The following ABL2 variants were observed in gnomAD, a reference collection of about 807,000 sequenced individuals.
The protein encoded by ABL2 is ABL proto-oncogene 2, non-receptor tyrosine kinase.
ABL2 carries 49 observed loss-of-function variants against 107.7 expected under a neutral mutation model. The observed-to-expected ratio is 0.45, with a 90% CI of 0.36 to 0.58. The LOEUF (loss-of-function observed/expected upper bound fraction) is 0.58. ABL2 is among the 20% of genes least tolerant of loss of function. The pLI, the probability that ABL2 is intolerant of heterozygous loss-of-function variation, is 0.00. For synonymous variants in ABL2, 549 were observed against 548.6 expected (o/e 1.00, Z -0.01); for missense variants, 1,245 against 1,457.0 (o/e 0.85, Z 2.37).
intron 4 of ABL2, among the ~76,000 whole-genome samples, chr1:179,124,988 TC>T (rs1236511542): frequency 1.4e-3 from 207 of 152,304 alleles, no homozygotes; most frequent in African/African-American, 4.8e-3. Flanking sequence ...TAGGAGTCCT[TC>T]CCACTCCCCA....
At chr1:179,116,436 C>T (rs1303517399) in intron 8 of ABL2, among the ~76,000 whole-genome samples, 1 of 152,054 alleles carries the variant, frequency 6.6e-6, no homozygotes, top group African/African-American at 2.4e-5. Context: ...GGATCATTAG[C>T]ACTCCAATGC....
intron 1 of ABL2, among the ~76,000 whole-genome samples, chr1:179,158,884 G>A (rs1397939512): frequency 6.6e-6 from 1 of 152,140 alleles, no homozygotes; most frequent in Non-Finnish European, 1.5e-5. Context: ...ATGCCTTGTA[G>A]AACTTTCTAG....
At chr1:179,210,516 A>AAAAG (rs1662210167) in intron 1 of ABL2, among the ~76,000 whole-genome samples, 1 of 151,240 alleles carries the variant, frequency 6.6e-6, no homozygotes, top group African/African-American at 2.4e-5. Flanking sequence ...AAAAAAAAAA[A>AAAAG]AAGAAAAAAA....
In ABL2 at chr1:179,208,848, C is replaced by T. The variant is rs574330430; in HGVS notation, c.157+20393G>A. Among the ~76,000 whole-genome samples, 4 of 152,276 alleles carry T rather than the reference C, an allele frequency of 2.6e-5. No individual in the cohort carries two copies. The South Asian group carries it at 8.3e-4, about 32-fold the overall frequency. ...GAGTGTAATTTTTGGAGTTATATGCCTTGTTCTGAAAACTGTTTTCATCAT... is the reference window on the plus strand; with the variant it reads ...GAGTGTAATTTTTGGAGTTATATGCTTTGTTCTGAAAACTGTTTTCATCAT... On this transcript the variant is annotated intron_variant, in intron 1 of 11. Transcript: ENST00000502732.
chr1:179,168,942 G>A lies in ABL2; in HGVS notation c.158-35568C>T, dbSNP rs75602556. On this transcript the variant is annotated intron_variant, in intron 1 of 11. Transcript: ENST00000502732. The stretch of plus-strand genomic sequence containing the variant: ...TCCGATAAGCAACTCACAGTGCCTT[G>A]CAGTCAAGACTTGCATTTCTCCACA... 6.6e-3 allele frequency among the ~76,000 whole-genome samples: 1,008 copies of A among 152,272 alleles called. 10 individuals are homozygous for A. Among genetic ancestry groups the A allele is most frequent in the African/African-American group, 0.023 (945 of 41,550 alleles).
At chr1:179,118,131 C>T (rs374381253) in intron 7 of ABL2, among the ~76,000 whole-genome samples, 5 of 148,200 alleles carry the variant, frequency 3.4e-5, no homozygotes, top group East Asian at 4.0e-4. Context: ...CCAGCCTGGG[C>T]GATGGAGCCA....
rs1372851274 is a variant in ABL2 at position 179,110,302 on chromosome 1, G to C, written c.1805C>G (p.Ser602Cys). 28 of 1,614,020 alleles carry C rather than the reference G, an allele frequency of 1.7e-5. No individual in the cohort carries two copies. The highest frequency in any genetic ancestry group is 2.4e-5 in the Non-Finnish European group (28 of 1,180,022). ...IEGAQDATEN[S>C]ASSLAPGFIR... ...CATACCTGGTGCTAAACTGGAAGCA[G>C]AATTTTCTGTGGCATCTTGTGCCCC... Residue 602 changes from serine to cysteine, a missense_variant, in exon 11 of 12, where the codon TCT becomes TGT. Physicochemically the swap from Ser to Cys is moderately radical, Grantham distance 112 (BLOSUM62 -1). Around this residue, in one of 3 missense-constraint regions of ABL2, gnomAD observed 761 missense variants for 766.4 expected, o/e 0.99. Coordinates refer to ENST00000502732, the MANE Select transcript of ABL2 (RefSeq NM_007314.4).
In ABL2 at chr1:179,210,907, G is replaced by T. The variant is rs1213308585; in HGVS notation, c.157+18334C>A. ...AAAATATTTCATATACTGCCAGGAA[G>T]AAAGAATAAATATTTAAATATAAAT... On this transcript the variant is annotated intron_variant, in intron 1 of 11. Transcript: ENST00000502732. Among the ~76,000 whole-genome samples, 7 of 151,844 alleles carry T rather than the reference G, an allele frequency of 4.6e-5. No homozygotes were observed. The South Asian group carries it at 1.3e-3, about 27-fold the overall frequency.
At chr1:179,135,583 T>G (rs1266125018) in intron 1 of ABL2, among the ~76,000 whole-genome samples, 7 of 149,696 alleles carry the variant, frequency 4.7e-5, no homozygotes, top group Non-Finnish European at 1.0e-4. Flanking sequence ...GGCAGCCACC[T>G]CGTCCGGGAG....
At chr1:179,207,547 C>T (rs999854304) in intron 1 of ABL2, among the ~76,000 whole-genome samples, 7 of 152,048 alleles carry the variant, frequency 4.6e-5, no homozygotes, top group Non-Finnish European at 8.8e-5. Flanking sequence ...ACAATAACAG[C>T]TATAACTTTT....
At chr1:179,217,487 G>A (rs753543059) in intron 1 of ABL2, among the ~76,000 whole-genome samples, 3 of 152,014 alleles carry the variant, frequency 2.0e-5, no homozygotes, top group South Asian at 2.1e-4. Context: ...TTAGCCGAGT[G>A]TGATGGCATG....
chr1:179,190,533 C>G (rs1269588891), intron 1 of ABL2, among the ~76,000 whole-genome samples: 1 of 152,082 alleles, frequency 6.6e-6, no homozygotes, highest in African/African-American at 2.4e-5. Flanking sequence ...GATTAAATCA[C>G]TGGCCATTGT....
rs893123584 is a variant in ABL2 at position 179,100,560 on chromosome 1, C to G, written c.*7158G>C. On this transcript the variant is annotated 3_prime_UTR_variant, in exon 12 of 12. Coordinates refer to ENST00000502732, the MANE Select transcript of ABL2 (RefSeq NM_007314.4). ...TTTAAGCAAGTTCTGACTACACAAACTCCTTATGTTTCCTTTCATAAAGCC... is the reference window on the plus strand; with the variant it reads ...TTTAAGCAAGTTCTGACTACACAAAGTCCTTATGTTTCCTTTCATAAAGCC... The G allele has an allele frequency of 4.4e-6, 1 of 229,204 alleles. No homozygotes were observed. Among genetic ancestry groups the G allele is most frequent in the African/African-American group, 2.2e-5 (1 of 45,142 alleles). The allele number at this position is 229,204 out of a possible 1,614,324, so 14.2% of individuals were successfully genotyped here. A position where few individuals can be genotyped will look rare whatever the true frequency, so the allele number is the denominator to read the frequency against.
At chr1:179,215,804 G>A (rs1031370483) in intron 1 of ABL2, among the ~76,000 whole-genome samples, 1 of 151,966 alleles carries the variant, frequency 6.6e-6, no homozygotes, top group Non-Finnish European at 1.5e-5. Flanking sequence ...ACAGATGAGT[G>A]ATACAAATTG....
rs977768489 is a variant in ABL2, at chr1:179,123,096, T to C, written c.688-1229A>G. Among the ~76,000 whole-genome samples the C allele has an allele frequency of 3.1e-4, 47 of 152,206 alleles. 2 individuals carry two copies. The highest frequency in any genetic ancestry group is 2.6e-4 in the Admixed American group (4 of 15,272). On this transcript the variant is annotated intron_variant, in intron 4 of 11. Transcript: ENST00000502732. ...TTTACAAAATATCACCTTAATCTTG[T>C]AAAAAACATAACTTGAAAACCACTG... is the stretch of plus-strand genomic sequence containing the variant.
Position 179,229,350 on chromosome 1 carries a change from C to T in ABL2, c.48G>A (p.Gln16=). Residue 16 remains glutamine, a synonymous_variant, in exon 1 of 12, where the codon CAG becomes CAA. Transcript: ENST00000502732. ...GRVGEAPGLQ[Q]PQPRGIRGSS... ...TGCCCCGGATCCCGCGGGGCTGAGG[C>T]TGCTGGAGCCCCGGAGCTTCCCCGA... 2.5e-6 allele frequency: 4 copies of T among 1,582,638 alleles called. No homozygotes were observed. Among genetic ancestry groups the T allele is most frequent in the Non-Finnish European group, 3.4e-6 (4 of 1,168,026 alleles).
chr1:179,201,593 G>A (rs1307503626), intron 1 of ABL2: 1 of 401,592 alleles, frequency 2.5e-6, no homozygotes, highest in Non-Finnish European at 4.6e-6. Flanking sequence ...AACAGGGCTG[G>A]TTATTTCCTC....
intron 1 of ABL2, among the ~76,000 whole-genome samples, chr1:179,138,586 C>T (rs528386693): frequency 1.1e-4 from 16 of 152,282 alleles, no homozygotes; most frequent in African/African-American, 3.1e-4. Context: ...CACTGAATTC[C>T]CCATTTCAGT....
At chr1:179,215,489 T>C (rs1662511364) in intron 1 of ABL2, among the ~76,000 whole-genome samples, 1 of 152,110 alleles carries the variant, frequency 6.6e-6, no homozygotes, top group Non-Finnish European at 1.5e-5. Context: ...ATCCCAGCAC[T>C]TTGGGAGGCA....
Sources: allele counts gnomAD v4.1 joint callset (sites outside exome capture counted in the v4.1 genomes callset), GRCh38; gene constraint gnomAD v4.1.1; regional missense constraint gnomAD v4.1.1; transcripts MANE v1.5; gene names NCBI Gene and HGNC (gene_info 2026-07-23, HGNC 2026-07-21).